Variants in CFAP54 observed in about 807,000 individuals in gnomAD.
The protein encoded by CFAP54 is cilia and flagella associated protein 54.
In CFAP54, 290 loss-of-function variants were observed where a neutral mutation model predicts 370.4. The ratio of observed to expected loss-of-function variants is 0.78; its 90% confidence interval spans 0.71 to 0.86. The LOEUF (loss-of-function observed/expected upper bound fraction) is 0.86, where lower values mean the gene tolerates loss of function less well. Among genes scored for constraint, CFAP54 ranks in the 40% least tolerant of loss-of-function variants. CFAP54 has a pLI of 0.00. For synonymous variants in CFAP54, 1,206 were observed against 1,236.5 expected (o/e 0.98, Z 0.52); for missense variants, 3,399 against 3,528.7 (o/e 0.96, Z 0.93).
intron 30 of CFAP54, among the ~76,000 whole-genome samples, chr12:96,628,718 T>A (rs772322862): frequency 1.3e-5 from 2 of 152,074 alleles, no homozygotes; most frequent in Non-Finnish European, 2.9e-5. Flanking sequence ...AACCATGGGA[T>A]TAGGATTATC....
intron 66 of CFAP54, among the ~76,000 whole-genome samples, chr12:96,844,403 A>C (rs1959278971): frequency 6.6e-6 from 1 of 152,188 alleles, no homozygotes; most frequent in Non-Finnish European, 1.5e-5. Flanking sequence ...GGCAGCCTCT[A>C]GAAGCTGAAA....
At chr12:96,746,064 A>G (rs920554705) in intron 55 of CFAP54, among the ~76,000 whole-genome samples, 1 of 151,982 alleles carries the variant, frequency 6.6e-6, no homozygotes, top group Non-Finnish European at 1.5e-5. Flanking sequence ...CTGCCCCTTT[A>G]TCAATGCTGC....
intron 60 of CFAP54, among the ~76,000 whole-genome samples, chr12:96,779,703 A>G (rs1958562849): frequency 6.7e-6 from 1 of 149,116 alleles, no homozygotes; most frequent in African/African-American, 2.5e-5. Context: ...CTACCTGACC[A>G]ATCAAGTACA....
chr12:96,599,263 G>A (rs1300506822), intron 26 of CFAP54, among the ~76,000 whole-genome samples: 1 of 151,018 alleles, frequency 6.6e-6, no homozygotes, highest in Non-Finnish European at 1.5e-5. Context: ...ATGGTGTTTG[G>A]TTTTCTGTCC....
intron 3 of CFAP54, among the ~76,000 whole-genome samples, chr12:96,504,991 T>A (rs979320193): frequency 6.9e-6 from 1 of 144,856 alleles, no homozygotes; most frequent in African/African-American, 2.5e-5. Flanking sequence ...CTTTCTTCTT[T>A]CTTTTTCTTT....
intron 17 of CFAP54, among the ~76,000 whole-genome samples, chr12:96,556,396 C>CTT (rs140758512): frequency 1.3e-5 from 2 of 150,556 alleles, no homozygotes; most frequent in African/African-American, 4.9e-5. Context: ...TATTTCTTTT[C>CTT]TTTTTTTTTC....
intron 66 of CFAP54, among the ~76,000 whole-genome samples, chr12:96,842,003 G>T (rs1959222361): frequency 6.6e-6 from 1 of 152,192 alleles, no homozygotes; most frequent in Non-Finnish European, 1.5e-5. Flanking sequence ...ATACATTGTG[G>T]TCATCTTTAT....
chr12:96,851,306 G>A (rs117634317), intron 66 of CFAP54, among the ~76,000 whole-genome samples: 1 of 151,874 alleles, frequency 6.6e-6, no homozygotes, highest in Non-Finnish European at 1.5e-5. Flanking sequence ...TTAATATTTA[G>A]TAAAATGTTT....
intron 63 of CFAP54, among the ~76,000 whole-genome samples, chr12:96,793,703 C>T (rs1033858524): frequency 9.2e-5 from 14 of 152,142 alleles, no homozygotes; most frequent in African/African-American, 2.4e-5. Flanking sequence ...TTCACCACAT[C>T]CATGCCAACA....
chr12:96,833,926 T>C (rs1204001557), intron 66 of CFAP54, among the ~76,000 whole-genome samples: 10 of 152,198 alleles, frequency 6.6e-5, no homozygotes, highest in Admixed American at 6.5e-4. Flanking sequence ...TGGTTACCAT[T>C]ATTATCCTTG....
intron 60 of CFAP54, among the ~76,000 whole-genome samples, chr12:96,778,877 G>A (rs1266369374): frequency 6.6e-6 from 1 of 152,120 alleles, no homozygotes; most frequent in Non-Finnish European, 1.5e-5. Context: ...GGAGTCTGAG[G>A]TGGGTGGATC....
At chr12:96,664,608 C>T (rs1344562) in intron 39 of CFAP54, among the ~76,000 whole-genome samples, 128,533 of 144,934 alleles carry the variant, frequency 0.89, 57,145 homozygotes, top group East Asian at 0.96. Flanking sequence ...CCAGCTGTGC[C>T]TTACCAAGAA....
intron 66 of CFAP54, among the ~76,000 whole-genome samples, chr12:96,859,367 C>T (rs1959803975): frequency 6.6e-6 from 1 of 151,946 alleles, no homozygotes; most frequent in Non-Finnish European, 1.5e-5. Context: ...TTGAAACAAG[C>T]AGTCCTACTC....
intron 6 of CFAP54, among the ~76,000 whole-genome samples, chr12:96,520,453 A>C (rs1235369369): frequency 6.6e-6 from 1 of 152,204 alleles, no homozygotes; most frequent in Non-Finnish European, 1.5e-5. Context: ...CTGAGGTTGC[A>C]GTAAGCTGAG....
intron 15 of CFAP54, 126 bp downstream of exon 15, chr12:96,548,104 A>G (rs896154121): frequency 6.4e-6 from 3 of 471,278 alleles, no homozygotes; most frequent in Non-Finnish European, 1.1e-5. Context: ...TGAGGATTAT[A>G]TGGCTTTATA....
At chr12:96,523,691 A>AT (rs926382985) in intron 8 of CFAP54, among the ~76,000 whole-genome samples, 9 of 76,364 alleles carry the variant, frequency 1.2e-4, no homozygotes, top group South Asian at 8.8e-4. Context: ...ACAGGGAACA[A>AT]TTTTTTTTTT....
chr12:96,604,358 G>A (rs763786467), intron 26 of CFAP54, among the ~76,000 whole-genome samples: 1 of 152,172 alleles, frequency 6.6e-6, no homozygotes, highest in East Asian at 1.9e-4. Flanking sequence ...CCTGTTTGAG[G>A]TGTCTGTTGG....
intron 23 of CFAP54, among the ~76,000 whole-genome samples, chr12:96,591,321 C>T (rs1175736843): frequency 2.6e-5 from 4 of 151,866 alleles, no homozygotes; most frequent in Non-Finnish European, 4.4e-5. Flanking sequence ...CATGATAGGC[C>T]GGAAATCATT....
At chr12:96,532,788 T>C (rs1955453838) in intron 9 of CFAP54, among the ~76,000 whole-genome samples, 1 of 152,052 alleles carries the variant, frequency 6.6e-6, no homozygotes, top group South Asian at 2.1e-4. Flanking sequence ...ACCTGGCTAA[T>C]TTTTGTATTT....
Sources: allele counts gnomAD v4.1 joint callset (sites outside exome capture counted in the v4.1 genomes callset), GRCh38; gene constraint gnomAD v4.1.1; transcripts MANE v1.5; gene names NCBI Gene and HGNC (gene_info 2026-07-23, HGNC 2026-07-21).